Variants in PHACTR4 observed in about 807,000 individuals in gnomAD.
PHACTR4 encodes the protein protein phosphatase 1, regulatory subunit 124.
PHACTR4 carries 51 observed loss-of-function variants against 72.7 expected under a neutral mutation model. The ratio of observed to expected loss-of-function variants is 0.70; its 90% CI spans 0.56 to 0.89. The LOEUF (loss-of-function observed/expected upper bound fraction) is 0.89. Among genes scored for constraint, PHACTR4 ranks in the 40% least tolerant of loss-of-function variants. The probability of loss-of-function intolerance (pLI) is 0.00; values close to 1 mark genes in which losing one functional copy is unlikely to be tolerated. For missense variants in PHACTR4, 731 were observed against 861.8 expected (o/e 0.85, Z 1.90); for synonymous variants, 255 against 302.5 (o/e 0.84, Z 1.63).
intron 2 of PHACTR4, among the ~76,000 whole-genome samples, chr1:28,441,636 G>A (rs932225741): frequency 6.6e-6 from 1 of 152,084 alleles, no homozygotes; most frequent in African/African-American, 2.4e-5. Context: ...GTTCTCATCA[G>A]TTCATTGAAA....
chr1:28,460,344 A>C, intron 4 of PHACTR4, 52 bp downstream of exon 4: 1 of 1,298,716 alleles, frequency 7.7e-7, no homozygotes, highest in South Asian at 1.2e-5. Context: ...TTGGTCTTTG[A>C]TTGGGTCTGA....
rs1205812464 is a variant in PHACTR4, at chr1:28,491,679, C to T, written c.1908C>T (p.Leu636=). 7 of 1,613,984 alleles carry T rather than the reference C, an allele frequency of 4.3e-6. No individual in the cohort carries two copies. Among genetic ancestry groups the T allele is most frequent in the Non-Finnish European group, 5.1e-6 (6 of 1,179,926 alleles). Residue 636 remains leucine, a synonymous_variant, in exon 12 of 14, where the codon CTC becomes CTT. Coordinates refer to ENST00000373839, the MANE Select transcript of PHACTR4 (RefSeq NM_001048183.3). ...GTCAAAGGCCAACTGTCGCTGAACT[C>T]CTTGCCAGGAAGATTCTGAGGTTTA... ...KLSQRPTVAE[L]LARKILRFNE...
intron 2 of PHACTR4, among the ~76,000 whole-genome samples, chr1:28,448,972 A>T (rs1219436673): frequency 2.0e-5 from 3 of 151,532 alleles, no homozygotes; most frequent in African/African-American, 7.3e-5. Flanking sequence ...CAACATAGCG[A>T]AACCTGATCT....
chr1:28,460,481 A>G (rs374037923), intron 4 of PHACTR4, among the ~76,000 whole-genome samples, 189 bp downstream of exon 4: 3 of 151,902 alleles, frequency 2.0e-5, no homozygotes, highest in Admixed American at 6.6e-5. Context: ...TACATCCTCA[A>G]CTTTGTGCCA....
intron 6 of PHACTR4, among the ~76,000 whole-genome samples, chr1:28,470,108 TAGGCC>T (rs1292614716): frequency 6.7e-6 from 1 of 149,008 alleles, no homozygotes; most frequent in Admixed American, 6.7e-5. Flanking sequence ...ATTACAAAAT[TAGGCC>T]AGGCACAGTG....
intron 1 of PHACTR4, among the ~76,000 whole-genome samples, chr1:28,380,050 A>ATTTTTTTTTTTTTTTTTTTTTTTTTTTT (rs1405487346): frequency 7.8e-6 from 1 of 128,078 alleles, no homozygotes; most frequent in African/African-American, 3.0e-5. Flanking sequence ...TTTAAATGTA[A>ATTTTTTTTTTTTTTTTTTTTTTTTTTTT]CTTTTTTTTT....
intron 2 of PHACTR4, among the ~76,000 whole-genome samples, chr1:28,428,614 C>T (rs1249941568): frequency 6.6e-6 from 1 of 152,196 alleles, no homozygotes; most frequent in African/African-American, 2.4e-5. Context: ...ATATACATTA[C>T]TTCATGCCTA....
At chr1:28,479,986 C>T (rs549862327) in intron 8 of PHACTR4, among the ~76,000 whole-genome samples, 1 of 152,318 alleles carries the variant, frequency 6.6e-6, no homozygotes, top group Non-Finnish European at 1.5e-5. Flanking sequence ...GTGATGTTTT[C>T]CCTTTGGTCT....
intron 2 of PHACTR4, among the ~76,000 whole-genome samples, chr1:28,446,730 G>T (rs1657498813): frequency 6.6e-6 from 1 of 152,014 alleles, no homozygotes; most frequent in South Asian, 2.1e-4. Context: ...CGTGAGCCAG[G>T]ATTGCGCCAC....
intron 9 of PHACTR4, among the ~76,000 whole-genome samples, 186 bp from the exon 10 acceptor site, chr1:28,488,984 T>C (rs1166860952): frequency 2.0e-5 from 3 of 152,222 alleles, no homozygotes; most frequent in Non-Finnish European, 4.4e-5. Context: ...TAATGTGATA[T>C]CTGTGTTAAC....
chr1:28,411,847 C>CCAAAAGAAAGAAAGAAAGAACGAATGAA, intron 2 of PHACTR4, among the ~76,000 whole-genome samples: 1 of 148,628 alleles, frequency 6.7e-6, no homozygotes. Flanking sequence ...CAGAAACCAC[C>CCAAAAGAAAGAAAGAAAGAACGAATGAA]CAAAAGAAAG....
chr1:28,392,045 C>T (rs1183392140), intron 1 of PHACTR4, among the ~76,000 whole-genome samples: 2 of 152,114 alleles, frequency 1.3e-5, no homozygotes, highest in South Asian at 2.1e-4. Context: ...CATACAGTAG[C>T]GCTCCCCCTT....
chr1:28,481,477 C>T (rs975874313), intron 9 of PHACTR4: 2 of 152,042 alleles, frequency 1.3e-5, no homozygotes, highest in African/African-American at 4.8e-5. Flanking sequence ...ATCTAACTAT[C>T]TTTACAAAAA....
At chr1:28,414,722 C>T (rs1270991082) in intron 2 of PHACTR4, among the ~76,000 whole-genome samples, 3 of 152,056 alleles carry the variant, frequency 2.0e-5, no homozygotes, top group Admixed American at 6.6e-5. Context: ...TTGCCTTTTG[C>T]GACCCCTTTC....
intron 2 of PHACTR4, among the ~76,000 whole-genome samples, chr1:28,420,528 A>T (rs1655444409): frequency 6.6e-6 from 1 of 152,142 alleles, no homozygotes; most frequent in African/African-American, 2.4e-5. Flanking sequence ...CCTTTCCTTT[A>T]TAAACTACCC....
At chr1:28,378,795 C>T (rs912952778) in intron 1 of PHACTR4, among the ~76,000 whole-genome samples, 3 of 151,660 alleles carry the variant, frequency 2.0e-5, no homozygotes, top group African/African-American at 7.3e-5. Flanking sequence ...GCTCATGAAA[C>T]AGTAAACTTT....
intron 2 of PHACTR4, among the ~76,000 whole-genome samples, chr1:28,409,276 T>TA (rs1219503976): frequency 5.3e-5 from 8 of 151,988 alleles, no homozygotes; most frequent in Admixed American, 1.3e-4. Flanking sequence ...GTTTGGATGG[T>TA]AAGGGGTGAA....
At chr1:28,389,902 G>C (rs1418508898) in intron 1 of PHACTR4, among the ~76,000 whole-genome samples, 2 of 152,144 alleles carry the variant, frequency 1.3e-5, no homozygotes, top group South Asian at 4.1e-4. Flanking sequence ...AGTATGTTGA[G>C]GTATCTGTAC....
chr1:28,385,058 T>A (rs1652454639), intron 1 of PHACTR4, among the ~76,000 whole-genome samples: 1 of 152,208 alleles, frequency 6.6e-6, no homozygotes, highest in Non-Finnish European at 1.5e-5. Context: ...CTTGGTTATC[T>A]AGTTCTTTTA....
Sources: gnomAD v4.1 joint callset for allele counts (sites outside exome capture counted in the v4.1 genomes callset) on GRCh38, gnomAD v4.1.1 for gene constraint, MANE v1.5 for transcripts, NCBI Gene and HGNC (gene_info 2026-07-23, HGNC 2026-07-21) for gene names.